HDAC8: variants seen among roughly 807,000 people sequenced by gnomAD.
HDAC8 encodes the protein histone deacetylase 8, also known as histone deacetylase-like 1.
HDAC8 carries 1 observed loss-of-function variant against 32.2 expected under a neutral mutation model. The observed-to-expected ratio is 0.03, with a 90% CI of 0.01 to 0.15. HDAC8 has a LOEUF of 0.15. Among genes scored for constraint, HDAC8 ranks in the 10% least tolerant of loss-of-function variants. The pLI, the probability that HDAC8 is intolerant of heterozygous loss-of-function variation, is 1.00. For missense variants in HDAC8, 117 were observed against 300.0 expected, an observed-to-expected ratio of 0.39 and a Z score of 4.51; for synonymous variants, 108 against 113.9, an observed-to-expected ratio of 0.95 and a Z score of 0.33.
chrX:72,506,873 A>G (rs993207951), intron 4 of HDAC8, among the ~76,000 whole-genome samples: 1 of 109,952 alleles, frequency 9.1e-6, no homozygotes, highest in Non-Finnish European at 1.9e-5. Context: ...TTTTTTTGAG[A>G]TAGGGTCTCA....
intron 7 of HDAC8, among the ~76,000 whole-genome samples, chrX:72,466,396 TACA>T (rs2048017644): frequency 8.9e-6 from 1 of 112,001 alleles, no homozygotes; most frequent in Non-Finnish European, 1.9e-5. Context: ...ATAATTAAAA[TACA>T]ACGACAAATG....
intron 9 of HDAC8, among the ~76,000 whole-genome samples, chrX:72,458,710 A>G (rs781845733): frequency 5.4e-5 from 6 of 112,019 alleles, no homozygotes; most frequent in Non-Finnish European, 9.4e-5. Context: ...AACCAAAACA[A>G]TGATGACCAA....
intron 4 of HDAC8, among the ~76,000 whole-genome samples, chrX:72,534,313 A>ATT (rs1295822794): frequency 4.3e-5 from 4 of 93,443 alleles, no homozygotes; most frequent in African/African-American, 2.1e-4. Context: ...ATATATATAT[A>ATT]TATTTTTTTT....
At chrX:72,366,360 C>T (rs1301773865) in intron 9 of HDAC8, among the ~76,000 whole-genome samples, 3 of 111,981 alleles carry the variant, frequency 2.7e-5, no homozygotes, top group Non-Finnish European at 5.6e-5. Flanking sequence ...AAACTGTAGC[C>T]ACATTGACCT....
intron 7 of HDAC8, among the ~76,000 whole-genome samples, chrX:72,471,063 T>C (rs2048161521): frequency 8.9e-6 from 1 of 111,986 alleles, no homozygotes; most frequent in Non-Finnish European, 1.9e-5. Flanking sequence ...ATACTTTCTG[T>C]CTCTATGAAT....
rs558649461 is a variant in HDAC8 at position 72,552,110 on chromosome X, C to A, written c.437+15779G>T. On this transcript the variant is annotated intron_variant, in intron 4 of 10. Transcript: ENST00000373573. ...TTTATTTATAAAAGTAATACAATCA[C>A]GTTAGAGAAAATATAGGAAACAGAA... is the stretch of plus-strand genomic sequence containing the variant. Among the ~76,000 whole-genome samples the A allele has an allele frequency of 3.3e-4, 37 of 111,853 alleles. No individual in the cohort carries two copies. The South Asian group carries it at 0.014, about 42-fold the overall frequency.
intron 4 of HDAC8, among the ~76,000 whole-genome samples, chrX:72,501,961 A>G (rs183134165): frequency 8.9e-6 from 1 of 112,250 alleles, no homozygotes; most frequent in Non-Finnish European, 1.9e-5. Flanking sequence ...TAGGCAAGGG[A>G]TATGAACAGA....
intron 10 of HDAC8, among the ~76,000 whole-genome samples, chrX:72,347,894 C>G (rs1431392091): frequency 8.9e-6 from 1 of 111,929 alleles, no homozygotes; most frequent in African/African-American, 3.2e-5. Context: ...ACGAGAGGAG[C>G]TTTTCTCTGT....
chrX:72,464,828 AGTT>A lies in HDAC8; in HGVS notation c.738-100_738-98del. On this transcript the variant is annotated intron_variant, in intron 7 of 10. Transcript: ENST00000373573. The stretch of plus-strand genomic sequence containing the variant: ...TGGAGGTATAATTGAATTAGCAAAT[AGTT>A]AAGGGAAAAAAACACAACCTGTCAA... 5.4e-6 allele frequency: 3 copies of A among 556,561 alleles called. No individual in the cohort carries two copies. The Admixed American group carries it at 9.3e-5, about 17-fold the overall frequency. 45.9% of individuals were successfully genotyped at this position (556,561 alleles called of 1,213,427 possible). A position where few individuals can be genotyped will look rare whatever the true frequency, so the allele number is the denominator to read the frequency against.
intron 9 of HDAC8, among the ~76,000 whole-genome samples, chrX:72,429,580 G>A (rs1171608008): frequency 8.9e-6 from 1 of 111,880 alleles, no homozygotes; most frequent in Non-Finnish European, 1.9e-5. Flanking sequence ...AAGTGACTGT[G>A]GGATATTCTC....
intron 4 of HDAC8, among the ~76,000 whole-genome samples, chrX:72,546,206 C>T (rs1556054208): frequency 9.0e-6 from 1 of 111,316 alleles, no homozygotes; most frequent in Non-Finnish European, 1.9e-5. Flanking sequence ...ATGGCTCTAC[C>T]ATTTACTGCC....
intron 9 of HDAC8, among the ~76,000 whole-genome samples, chrX:72,387,410 A>G (rs1317955656): frequency 8.9e-6 from 1 of 112,265 alleles, no homozygotes; most frequent in Non-Finnish European, 1.9e-5. Flanking sequence ...TCTTCCTGCT[A>G]TAGCCTCTGG....
chrX:72,527,571 C>A lies in HDAC8; in HGVS notation c.438-32303G>T, dbSNP rs144950920. ...GGGAACACAGTAAAAACCCAATGAC[C>A]GAAACAAGTATTTAAATACATGAAT... On this transcript the variant is annotated intron_variant, in intron 4 of 10. Transcript: ENST00000373573. Among the ~76,000 whole-genome samples, 697 of 110,639 alleles carry A rather than the reference C, an allele frequency of 6.3e-3. 7 individuals are homozygous for A. The highest frequency in any genetic ancestry group is 0.022 in the African/African-American group (667 of 30,392).
intron 7 of HDAC8, chrX:72,474,609 G>A (rs2048278447): frequency 1.7e-6 from 2 of 1,179,543 alleles, no homozygotes; most frequent in Non-Finnish European, 2.3e-6. Context: ...CAGTTTTCTT[G>A]ATGAGAAACC....
At chrX:72,517,077 A>G (rs2049829767) in intron 4 of HDAC8, among the ~76,000 whole-genome samples, 1 of 112,497 alleles carries the variant, frequency 8.9e-6, no homozygotes. Flanking sequence ...TAATTTCTCC[A>G]TGCCTTCATG....
At chrX:72,529,084 A>G (rs2050248965) in intron 4 of HDAC8, among the ~76,000 whole-genome samples, 1 of 112,176 alleles carries the variant, frequency 8.9e-6, no homozygotes, top group Admixed American at 9.5e-5. Context: ...ACAGTATAGC[A>G]GGAGGGAAAA....
chrX:72,532,075 T>C (rs1194329028), intron 4 of HDAC8, among the ~76,000 whole-genome samples: 1 of 110,714 alleles, frequency 9.0e-6, no homozygotes, highest in Non-Finnish European at 1.9e-5. Flanking sequence ...CATTTTATGT[T>C]TTTTGTTTTA....
chrX:72,539,491 C>T (rs886182201), intron 4 of HDAC8, among the ~76,000 whole-genome samples: 3 of 109,999 alleles, frequency 2.7e-5, no homozygotes, highest in African/African-American at 6.6e-5. Flanking sequence ...CCACCCGCCT[C>T]GGCCTCCCAA....
chrX:72,515,260 T>C (rs1019923711), intron 4 of HDAC8, among the ~76,000 whole-genome samples: 3 of 111,446 alleles, frequency 2.7e-5, no homozygotes, highest in African/African-American at 3.3e-5. Context: ...CTGACCTTTT[T>C]AGATTTCACA....
Sources: gnomAD v4.1 joint callset for allele counts (sites outside exome capture counted in the v4.1 genomes callset) on GRCh38, gnomAD v4.1.1 for gene constraint, MANE v1.5 for transcripts, NCBI Gene and HGNC (gene_info 2026-07-23, HGNC 2026-07-21) for gene names.